SEZ6L: variants seen among roughly 807,000 people sequenced by gnomAD.
The protein encoded by SEZ6L is seizure 6-like protein.
A neutral mutation model predicts 106.2 loss-of-function variants in SEZ6L; 37 were observed. The observed-to-expected ratio is 0.35, with a 90% confidence interval of 0.27 to 0.46. The LOEUF (loss-of-function observed/expected upper bound fraction) is 0.46. SEZ6L is among the 20% of genes least tolerant of loss of function. SEZ6L has a pLI of 1.00. For synonymous variants in SEZ6L, 541 were observed against 570.4 expected (o/e 0.95, Z 0.73); for missense variants, 1,172 against 1,332.8 (o/e 0.88, Z 1.88).
chr22:26,316,890 A>G (rs140328523), intron 9 of SEZ6L, among the ~76,000 whole-genome samples: 2 of 31,404 alleles, frequency 6.4e-5, no homozygotes, highest in African/African-American at 1.4e-4. Context: ...GAAAGAAAGA[A>G]AGAGAAAGAA....
chr22:26,375,248 GA>G (rs2084180575), intron 14 of SEZ6L, among the ~76,000 whole-genome samples: 1 of 152,142 alleles, frequency 6.6e-6, no homozygotes, highest in African/African-American at 2.4e-5. Context: ...CTGAATTTGG[GA>G]TTTTCTCCAA....
At chr22:26,249,558 G>C (rs1165325787) in intron 1 of SEZ6L, among the ~76,000 whole-genome samples, 2 of 152,014 alleles carry the variant, frequency 1.3e-5, no homozygotes, top group South Asian at 4.2e-4. Context: ...CCATTTCTTG[G>C]ATTTTCTTTA....
At chr22:26,254,430 T>G (rs2079734845) in intron 1 of SEZ6L, among the ~76,000 whole-genome samples, 1 of 150,978 alleles carries the variant, frequency 6.6e-6, no homozygotes, top group Non-Finnish European at 1.5e-5. Context: ...GGAAGGAAGA[T>G]GGGAGGGAAG....
intron 1 of SEZ6L, among the ~76,000 whole-genome samples, chr22:26,291,668 A>C (rs2081112891): frequency 6.6e-6 from 1 of 152,150 alleles, no homozygotes; most frequent in South Asian, 2.1e-4. Context: ...CAGCTTAGAA[A>C]AGAGAGTGTG....
chr22:26,193,336 G>A (rs1194348639), intron 1 of SEZ6L, among the ~76,000 whole-genome samples: 2 of 152,084 alleles, frequency 1.3e-5, no homozygotes, highest in Non-Finnish European at 2.9e-5. Flanking sequence ...GAATATCCTA[G>A]CCTGTCTCCC....
intron 1 of SEZ6L, 23 bp from the exon 2 acceptor site, chr22:26,292,383 G>A (rs754968748): frequency 1.3e-6 from 2 of 1,577,964 alleles, no homozygotes; most frequent in Non-Finnish European, 1.7e-6. Context: ...CAAACTAACT[G>A]GTGTCTTTTC....
At chr22:26,222,506 G>T (rs2078506945) in intron 1 of SEZ6L, among the ~76,000 whole-genome samples, 1 of 152,124 alleles carries the variant, frequency 6.6e-6, no homozygotes, top group African/African-American at 2.4e-5. Flanking sequence ...AGCCCTTCTT[G>T]TGTTCTAGCC....
chr22:26,227,148 G>A (rs1405460762), intron 1 of SEZ6L, among the ~76,000 whole-genome samples: 1 of 152,214 alleles, frequency 6.6e-6, no homozygotes, highest in African/African-American at 2.4e-5. Context: ...TCTCTGCTCA[G>A]CGAACATCTG....
At chr22:26,260,189 A>C (rs546935082) in intron 1 of SEZ6L, among the ~76,000 whole-genome samples, 1 of 152,062 alleles carries the variant, frequency 6.6e-6, no homozygotes, top group East Asian at 1.9e-4. Flanking sequence ...ATTTGGTTAC[A>C]TTAGTAAGTT....
intron 1 of SEZ6L, among the ~76,000 whole-genome samples, chr22:26,217,579 G>A (rs1029378567): frequency 3.9e-5 from 6 of 152,320 alleles, no homozygotes; most frequent in Admixed American, 2.6e-4. Flanking sequence ...CCACATTAAT[G>A]TGATTATTTA....
chr22:26,285,263 C>T (rs548805166), intron 1 of SEZ6L, among the ~76,000 whole-genome samples: 2 of 151,414 alleles, frequency 1.3e-5, no homozygotes, highest in South Asian at 2.1e-4. Flanking sequence ...AATGAATGAA[C>T]GATAAATGGA....
At chr22:26,245,864 T>C (rs957564940) in intron 1 of SEZ6L, among the ~76,000 whole-genome samples, 1 of 152,200 alleles carries the variant, frequency 6.6e-6, no homozygotes, top group Admixed American at 6.5e-5. Flanking sequence ...ATTATTAGTA[T>C]TGCTGTTTTA....
At chr22:26,276,251 C>CAGT (rs1263576579) in intron 1 of SEZ6L, among the ~76,000 whole-genome samples, 1 of 152,180 alleles carries the variant, frequency 6.6e-6, no homozygotes, top group African/African-American at 2.4e-5. Flanking sequence ...TAAGGTTAAC[C>CAGT]AGTCAAAGAT....
At chr22:26,208,688 A>G (rs1191418540) in intron 1 of SEZ6L, among the ~76,000 whole-genome samples, 1 of 152,138 alleles carries the variant, frequency 6.6e-6, no homozygotes, top group Non-Finnish European at 1.5e-5. Context: ...TGACTATGAC[A>G]TACATAGTCA....
rs112358000 is a variant in SEZ6L, at chr22:26,369,346, GT to G, written c.2794+3791del. Reference sequence around the variant, plus strand: ...AATGACTTATATAAGCAGTTCTTTTGTTTTTTTTTTTGAGACAGATTCTCGC... The same window carrying G: ...AATGACTTATATAAGCAGTTCTTTTGTTTTTTTTTTGAGACAGATTCTCGC... On this transcript the variant is annotated intron_variant, in intron 13 of 16. Transcript: ENST00000248933. Among the ~76,000 whole-genome samples, 9 of 91,582 alleles carry G rather than the reference GT, an allele frequency of 9.8e-5. 1 individual carries two copies. Among genetic ancestry groups the G allele is most frequent in the Non-Finnish European group, 1.2e-4 (6 of 48,548 alleles). The allele number at this position is 91,582 out of a possible 152,430, so 60.1% of individuals were successfully genotyped here.
intron 2 of SEZ6L, among the ~76,000 whole-genome samples, chr22:26,293,513 T>G (rs1168577403): frequency 1.3e-5 from 2 of 152,110 alleles, no homozygotes; most frequent in Non-Finnish European, 2.9e-5. Context: ...TTGTTTTTTG[T>G]AGAAAGGGGG....
At chr22:26,352,394 T>C (rs146111095) in intron 12 of SEZ6L, among the ~76,000 whole-genome samples, 1 of 152,208 alleles carries the variant, frequency 6.6e-6, no homozygotes, top group Non-Finnish European at 1.5e-5. Context: ...AGTGAGGTCT[T>C]GATAGTGTTG....
In SEZ6L at chr22:26,177,404, C is replaced by A. The variant is rs1939090030; in HGVS notation, c.94+7641C>A. ...ACACAAAACCACAAGATAGGCCATTCATCGGGTCCTCACTAAAGCCATCTT... is the reference window on the plus strand; with the variant it reads ...ACACAAAACCACAAGATAGGCCATTAATCGGGTCCTCACTAAAGCCATCTT... On this transcript the variant is annotated intron_variant, in intron 1 of 16. Coordinates refer to ENST00000248933, the MANE Select transcript of SEZ6L (RefSeq NM_021115.5). Among the ~76,000 whole-genome samples the A allele has an allele frequency of 2.0e-5, 3 of 152,328 alleles. 1 individual carries two copies. The highest frequency in any genetic ancestry group is 6.8e-3 in the Middle Eastern group (2 of 294).
At chr22:26,201,938 G>T (rs771546519) in intron 1 of SEZ6L, among the ~76,000 whole-genome samples, 1 of 152,086 alleles carries the variant, frequency 6.6e-6, no homozygotes, top group Non-Finnish European at 1.5e-5. Context: ...GCTTGAGATG[G>T]AGTCTGGCTC....
Sources: allele counts gnomAD v4.1 joint callset (sites outside exome capture counted in the v4.1 genomes callset), GRCh38; gene constraint gnomAD v4.1.1; transcripts MANE v1.5; gene names NCBI Gene and HGNC (gene_info 2026-07-23, HGNC 2026-07-21).